TFCP2: variants seen among roughly 807,000 people sequenced by gnomAD.
TFCP2 encodes alpha-globin transcription factor CP2.
In TFCP2, 33 loss-of-function variants were observed where a neutral mutation model predicts 73.4. That is an observed-to-expected ratio of 0.45 (90% CI 0.34 to 0.60). The LOEUF (loss-of-function observed/expected upper bound fraction) is 0.60, where lower values mean the gene tolerates loss of function less well. TFCP2 is among the 20% of genes least tolerant of loss of function. The probability of loss-of-function intolerance (pLI) is 0.01; values close to 1 mark genes in which losing one functional copy is unlikely to be tolerated. For missense variants in TFCP2, 352 were observed against 604.0 expected (o/e 0.58, Z 4.37); for synonymous variants, 193 against 211.6 (o/e 0.91, Z 0.76).
chr12:51,171,464 G>C (rs554742655), intron 1 of TFCP2, among the ~76,000 whole-genome samples: 12 of 152,260 alleles, frequency 7.9e-5, no homozygotes, highest in African/African-American at 2.6e-4. Flanking sequence ...TGCAACCTCC[G>C]CCTCCCGGGT....
chr12:51,099,613 A>G (rs1359556812), intron 12 of TFCP2, 42 bp downstream of exon 12: 3 of 1,602,544 alleles, frequency 1.9e-6, no homozygotes, highest in East Asian at 4.5e-5. Context: ...TTATCTCTTC[A>G]CCTTTCTTCA....
At chr12:51,159,476 T>C (rs1018829714) in intron 1 of TFCP2, among the ~76,000 whole-genome samples, 1 of 151,592 alleles carries the variant, frequency 6.6e-6, no homozygotes, top group Admixed American at 6.6e-5. Flanking sequence ...GTAGCTGGGA[T>C]TACAGGCGCC....
chr12:51,108,470 G>A (rs917680656), intron 6 of TFCP2, among the ~76,000 whole-genome samples: 3 of 151,764 alleles, frequency 2.0e-5, no homozygotes, highest in Non-Finnish European at 4.4e-5. Flanking sequence ...TTATTCATGT[G>A]ATAAAAATAA....
chr12:51,106,807 C>T, intron 7 of TFCP2, 194 bp from the exon 8 acceptor site: 1 of 547,152 alleles, frequency 1.8e-6, no homozygotes, highest in South Asian at 2.0e-5. Context: ...AATAGGACTT[C>T]TAAAAAGAAA....
intron 1 of TFCP2, among the ~76,000 whole-genome samples, chr12:51,138,436 T>C (rs1941112650): frequency 6.6e-6 from 1 of 152,048 alleles, no homozygotes; most frequent in African/African-American, 2.4e-5. Flanking sequence ...GGATTACAGG[T>C]GTGAACCACT....
At chr12:51,136,712 G>C (rs755959039) in intron 1 of TFCP2, among the ~76,000 whole-genome samples, 1 of 152,086 alleles carries the variant, frequency 6.6e-6, no homozygotes, top group Non-Finnish European at 1.5e-5. Flanking sequence ...AAGGCAAGTC[G>C]ATCACTTGAG....
At chr12:51,162,902 T>G (rs1941677576) in intron 1 of TFCP2, 1 of 152,214 alleles carries the variant, frequency 6.6e-6, no homozygotes, top group African/African-American at 2.4e-5. Flanking sequence ...TGTTGTTTAA[T>G]GCTCACTTCA....
chr12:51,164,117 C>A (rs1344164624), intron 1 of TFCP2, among the ~76,000 whole-genome samples: 1 of 152,018 alleles, frequency 6.6e-6, no homozygotes, highest in Non-Finnish European at 1.5e-5. Flanking sequence ...GTAGGAGGAT[C>A]ACTTGAGCCC....
chr12:51,111,197 G>A (rs907087957), intron 4 of TFCP2, among the ~76,000 whole-genome samples: 1 of 151,754 alleles, frequency 6.6e-6, no homozygotes, highest in Non-Finnish European at 1.5e-5. Flanking sequence ...GGCCTGGAGT[G>A]CAGTGGCACC....
At chr12:51,125,286 A>G in intron 1 of TFCP2, 1 of 557,442 alleles carries the variant, frequency 1.8e-6, no homozygotes, top group Non-Finnish European at 3.5e-6. Context: ...TTGTCCTGGA[A>G]TCAGTCAAAG....
chr12:51,110,541 T>C (rs984149248), intron 5 of TFCP2, among the ~76,000 whole-genome samples: 5 of 152,084 alleles, frequency 3.3e-5, no homozygotes, highest in Non-Finnish European at 7.4e-5. Flanking sequence ...CCACTCCAGA[T>C]TGGGAGACAA....
At position 51,103,766 on chromosome 12, in the gene TFCP2, G is replaced by C; in HGVS notation, c.967-3C>G. ...GGTGTGGTTGTTGGTAAGAGGTTCTGAAAGGGAGAGCACGTTTTTTAGATA... is the reference window on the plus strand; with the variant it reads ...GGTGTGGTTGTTGGTAAGAGGTTCTCAAAGGGAGAGCACGTTTTTTAGATA... On this transcript the variant is annotated splice_region_variant and splice_polypyrimidine_tract_variant and intron_variant, in intron 9 of 14. Transcript: ENST00000257915. 1 of 1,610,602 alleles carries C rather than the reference G, an allele frequency of 6.2e-7. No homozygotes were observed. The highest frequency in any genetic ancestry group is 1.7e-5 in the Admixed American group (1 of 59,106).
intron 1 of TFCP2, among the ~76,000 whole-genome samples, chr12:51,161,705 A>T (rs1459715476): frequency 1.4e-5 from 2 of 143,722 alleles, no homozygotes; most frequent in East Asian, 2.0e-4. Flanking sequence ...AATAATAATA[A>T]TTTTTTTTCT....
intron 1 of TFCP2, among the ~76,000 whole-genome samples, chr12:51,145,193 T>G (rs1941267833): frequency 1.4e-5 from 1 of 72,956 alleles, no homozygotes; most frequent in Non-Finnish European, 2.8e-5. Context: ...AGAGTGAGAC[T>G]TCATCTCAAA....
At chr12:51,097,979 C>CA (rs1940009281) in intron 13 of TFCP2, among the ~76,000 whole-genome samples, 1 of 151,202 alleles carries the variant, frequency 6.6e-6, no homozygotes, top group East Asian at 1.9e-4. Flanking sequence ...CACACCACCG[C>CA]ACAACAGCCT....
At chr12:51,099,477 C>A (rs1317938792) in intron 12 of TFCP2, among the ~76,000 whole-genome samples, 178 bp downstream of exon 12, 29 of 138,158 alleles carry the variant, frequency 2.1e-4, no homozygotes, top group East Asian at 4.2e-4. Flanking sequence ...GACTCTGTCT[C>A]AAAAAAAAAA....
intron 1 of TFCP2, among the ~76,000 whole-genome samples, chr12:51,129,530 AAAAAAAT>A (rs1309449479): frequency 6.6e-6 from 1 of 151,568 alleles, no homozygotes; most frequent in African/African-American, 2.4e-5. Context: ...AAAAAAAAAA[AAAAAAAT>A]CTAAGGAGAG....
At chr12:51,116,273 T>C in intron 4 of TFCP2, 42 bp downstream of exon 4, 2 of 1,163,292 alleles carry the variant, frequency 1.7e-6, no homozygotes, top group Non-Finnish European at 2.5e-6. Flanking sequence ...TCTGGGTCCA[T>C]AGCTAAAGGC....
At chr12:51,154,071 A>G (rs1042152611) in intron 1 of TFCP2, among the ~76,000 whole-genome samples, 1 of 152,200 alleles carries the variant, frequency 6.6e-6, no homozygotes, top group African/African-American at 2.4e-5. Context: ...GCCATCCTAA[A>G]GGCTGAATAA....
Sources: gnomAD v4.1 joint callset for allele counts (sites outside exome capture counted in the v4.1 genomes callset) on GRCh38, gnomAD v4.1.1 for gene constraint, MANE v1.5 for transcripts, NCBI Gene and HGNC (gene_info 2026-07-23, HGNC 2026-07-21) for gene names.